VPS13B: variants seen among roughly 807,000 people sequenced by gnomAD.
The protein encoded by VPS13B is intermembrane lipid transfer protein VPS13B.
Under a neutral mutation model 426.4 loss-of-function variants are expected in VPS13B, and 285 were observed. The ratio of observed to expected loss-of-function variants is 0.67; its 90% confidence interval spans 0.61 to 0.74. The LOEUF is 0.74. VPS13B is among the 30% of genes least tolerant of loss of function. VPS13B has a pLI of 0.00. For missense variants in VPS13B, 4,537 were observed against 4,782.6 expected, an observed-to-expected ratio of 0.95 and a Z score of 1.51; for synonymous variants, 1,676 against 1,676.4, an observed-to-expected ratio of 1.00 and a Z score of 0.01.
intron 23 of VPS13B, among the ~76,000 whole-genome samples, chr8:99,456,726 C>G (rs897206976): frequency 2.3e-4 from 35 of 152,076 alleles, no homozygotes; most frequent in African/African-American, 8.5e-4. Context: ...ATTTCTGTAT[C>G]CATGCTTATT....
intron 17 of VPS13B, among the ~76,000 whole-genome samples, chr8:99,194,116 C>T (rs971391505): frequency 3.3e-5 from 5 of 152,096 alleles, no homozygotes; most frequent in African/African-American, 1.2e-4. Flanking sequence ...AATTTTGAAG[C>T]ATTTCAGATT....
chr8:99,371,839 C>G (rs900885277), intron 19 of VPS13B, among the ~76,000 whole-genome samples: 2 of 152,162 alleles, frequency 1.3e-5, no homozygotes, highest in Non-Finnish European at 2.9e-5. Flanking sequence ...AACTTGACCT[C>G]TTCCTTACAC....
At chr8:99,767,782 G>T (rs1811300379) in intron 40 of VPS13B, among the ~76,000 whole-genome samples, 1 of 152,010 alleles carries the variant, frequency 6.6e-6, no homozygotes, top group South Asian at 2.1e-4. Context: ...TACAAAACTA[G>T]CTGAGCATGG....
At chr8:99,849,615 C>A (rs1816156932) in intron 55 of VPS13B, among the ~76,000 whole-genome samples, 1 of 152,070 alleles carries the variant, frequency 6.6e-6, no homozygotes, top group African/African-American at 2.4e-5. Flanking sequence ...AGAAATTCCA[C>A]TTTTAAGTGT....
intron 51 of VPS13B, among the ~76,000 whole-genome samples, chr8:99,825,237 G>A (rs1483811051): frequency 6.6e-6 from 1 of 152,130 alleles, no homozygotes; most frequent in Non-Finnish European, 1.5e-5. Flanking sequence ...TCCAGCATCT[G>A]TTGTTTCCTG....
intron 35 of VPS13B, among the ~76,000 whole-genome samples, chr8:99,668,177 T>A (rs1394446755): frequency 6.6e-6 from 1 of 151,900 alleles, no homozygotes; most frequent in Non-Finnish European, 1.5e-5. Flanking sequence ...TAATGAAGGG[T>A]ATAGTAACAA....
At position 99,828,392 on chromosome 8, in the gene VPS13B, CCGTTTTTTTTTTTTTTTTTTT is replaced by C. The variant is rs1481443509; in HGVS notation, c.9331-3976_9331-3956del. Among the ~76,000 whole-genome samples the C allele has an allele frequency of 1.9e-3, 89 of 47,646 alleles. 3 individuals carry two copies. Among genetic ancestry groups the C allele is most frequent in the African/African-American group, 6.4e-3 (70 of 11,022 alleles). 31.3% of individuals were successfully genotyped at this position (47,646 alleles called of 152,430 possible). A position where few individuals can be genotyped will look rare whatever the true frequency, so the allele number is the denominator to read the frequency against. ...TTATCAGAGACTAGGATTACAACCA[CCGTTTTTTTTTTTTTTTTTTT>C]TTTTTTTTTTTTTTTTTTTTTGCTT... On this transcript the variant is annotated intron_variant, in intron 51 of 61. Coordinates refer to ENST00000357162, the MANE Select transcript of VPS13B (RefSeq NM_152564.5).
chr8:99,469,801 A>G (rs189017452), intron 24 of VPS13B, among the ~76,000 whole-genome samples: 3 of 152,184 alleles, frequency 2.0e-5, no homozygotes, highest in South Asian at 2.1e-4. Flanking sequence ...GGGTGACCCA[A>G]TGTGACTGGT....
chr8:99,014,494 A>C lies in VPS13B; in HGVS notation c.147+559A>C, dbSNP rs145333327. On this transcript the variant is annotated intron_variant, in intron 2 of 61. Transcript: ENST00000357162. ...ATTACTTAAAGTTGCTTTGACAGAA[A>C]GACGATTTCATTGTTCATGTCAGAA... Among the ~76,000 whole-genome samples the C allele has an allele frequency of 1.7e-3, 266 of 152,108 alleles. 2 individuals are homozygous for C. The highest frequency in any genetic ancestry group is 6.3e-3 in the African/African-American group (260 of 41,518).
chr8:99,056,846 C>G (rs1446655178), intron 3 of VPS13B, among the ~76,000 whole-genome samples: 2 of 150,328 alleles, frequency 1.3e-5, no homozygotes, highest in Non-Finnish European at 3.0e-5. Flanking sequence ...GTCTTACAAT[C>G]CATCTACACA....
chr8:99,394,329 A>G (rs1046307051), intron 21 of VPS13B, among the ~76,000 whole-genome samples: 2 of 152,280 alleles, frequency 1.3e-5, no homozygotes, highest in East Asian at 3.9e-4. Flanking sequence ...AGACCTGCTG[A>G]TACTGCACTG....
chr8:99,831,324 G>A (rs1815046718), intron 51 of VPS13B, among the ~76,000 whole-genome samples: 1 of 151,998 alleles, frequency 6.6e-6, no homozygotes, highest in South Asian at 2.1e-4. Context: ...ACCTGCCTCA[G>A]CCTCCCAAAT....
Position 99,640,016 on chromosome 8 carries a change from T to TAAGAAGAAG in VPS13B, c.5221-1793_5221-1792insGAAGAAGAA, listed in dbSNP as rs1367039899. ...ATAATAATAATAATAATAATAATAA[T>TAAGAAGAAG]AATAATAATAAGAAGAAGAAGAAGA... is the stretch of plus-strand genomic sequence containing the variant. On this transcript the variant is annotated intron_variant, in intron 33 of 61. Coordinates refer to ENST00000357162, the MANE Select transcript of VPS13B (RefSeq NM_152564.5). Among the ~76,000 whole-genome samples the TAAGAAGAAG allele has an allele frequency of 6.3e-4, 46 of 72,484 alleles. 1 individual carries two copies. Among genetic ancestry groups the TAAGAAGAAG allele is most frequent in the African/African-American group, 1.8e-3 (37 of 20,920 alleles). 47.6% of individuals were successfully genotyped at this position (72,484 alleles called of 152,430 possible). A position where few individuals can be genotyped will look rare whatever the true frequency, so the allele number is the denominator to read the frequency against.
intron 23 of VPS13B, among the ~76,000 whole-genome samples, chr8:99,465,602 T>C (rs1819073728): frequency 2.0e-5 from 3 of 152,092 alleles, no homozygotes. Context: ...CAATAGGATT[T>C]GAAAAAATAT....
chr8:99,267,692 A>C (rs1351881657), intron 17 of VPS13B, among the ~76,000 whole-genome samples: 1 of 151,358 alleles, frequency 6.6e-6, no homozygotes, highest in East Asian at 1.9e-4. Context: ...TTGCCACTGC[A>C]CTCCAGCCTG....
At chr8:99,113,305 C>T (rs1251491945) in intron 6 of VPS13B, among the ~76,000 whole-genome samples, 1 of 152,054 alleles carries the variant, frequency 6.6e-6, no homozygotes, top group Non-Finnish European at 1.5e-5. Context: ...TCTCACTGTG[C>T]AGCCCAGGCT....
chr8:99,872,774 C>T (rs1817491706), intron 61 of VPS13B, among the ~76,000 whole-genome samples: 1 of 152,206 alleles, frequency 6.6e-6, no homozygotes, highest in African/African-American at 2.4e-5. Flanking sequence ...TAGGTTCTGC[C>T]TGATCCCTCC....
At chr8:99,181,863 A>C (rs1812963192) in intron 16 of VPS13B, among the ~76,000 whole-genome samples, 1 of 152,174 alleles carries the variant, frequency 6.6e-6, no homozygotes, top group South Asian at 2.1e-4. Context: ...ACTGAGGAAC[A>C]GACTGAGTAA....
intron 17 of VPS13B, among the ~76,000 whole-genome samples, chr8:99,252,863 T>C (rs1202361323): frequency 6.6e-6 from 1 of 152,130 alleles, no homozygotes; most frequent in Non-Finnish European, 1.5e-5. Context: ...ATCATACAGC[T>C]ATTTTAAAGT....
Sources: gnomAD v4.1 joint callset for allele counts (sites outside exome capture counted in the v4.1 genomes callset) on GRCh38, gnomAD v4.1.1 for gene constraint, MANE v1.5 for transcripts, NCBI Gene and HGNC (gene_info 2026-07-23, HGNC 2026-07-21) for gene names.